Variants in GPM6B observed in about 807,000 individuals in gnomAD.
GPM6B encodes glycoprotein M6B.
In GPM6B, 4 loss-of-function variants were observed where a neutral mutation model predicts 27.2. The ratio of observed to expected loss-of-function variants is 0.15; its 90% CI spans 0.07 to 0.34. The LOEUF (loss-of-function observed/expected upper bound fraction) is 0.34. Ranked by LOEUF, GPM6B falls within the 10% of genes least tolerant of loss-of-function variation. The pLI, the probability that GPM6B is intolerant of heterozygous loss-of-function variation, is 1.00. For synonymous variants in GPM6B, 124 were observed against 103.1 expected (o/e 1.20, Z -1.23); for missense variants, 183 against 261.9 (o/e 0.70, Z 2.08).
chrX:13,841,781 T>C (rs985593629), intron 1 of GPM6B, among the ~76,000 whole-genome samples: 2 of 111,725 alleles, frequency 1.8e-5, no homozygotes, highest in African/African-American at 6.5e-5. Context: ...GAACCCCTGC[T>C]TAATAGATGG....
chrX:13,804,425 GC>G (rs1166678677), intron 2 of GPM6B, among the ~76,000 whole-genome samples: 8 of 77,590 alleles, frequency 1.0e-4, no homozygotes, highest in South Asian at 2.3e-3. Context: ...GGCGGGGGGG[GC>G]GGGGGGCGGG....
chrX:13,776,359 A>C, intron 6 of GPM6B, 56 bp from the exon 7 acceptor site: 4 of 961,355 alleles, frequency 4.2e-6, no homozygotes, highest in Non-Finnish European at 5.9e-6. Context: ...AATGGCCTAC[A>C]CTCATTGTGG....
chrX:13,857,783 G>A (rs948143042), intron 1 of GPM6B, among the ~76,000 whole-genome samples: 6 of 112,860 alleles, frequency 5.3e-5, no homozygotes, highest in African/African-American at 1.6e-4. Context: ...CAACTGTGCA[G>A]TGGCAAGTGC....
At chrX:13,921,581 C>CCTTTTT (rs1555932309) in intron 1 of GPM6B, among the ~76,000 whole-genome samples, 2 of 92,820 alleles carry the variant, frequency 2.2e-5, no homozygotes, top group African/African-American at 8.0e-5. Context: ...AACCCCCCCC[C>CCTTTTT]TTTTTTTTTT....
At chrX:13,798,355 C>G (rs186470695) in intron 2 of GPM6B, among the ~76,000 whole-genome samples, 2 of 107,743 alleles carry the variant, frequency 1.9e-5, no homozygotes, top group African/African-American at 6.8e-5. Context: ...AGGGCTTTTA[C>G]TAGACAAGCA....
intron 1 of GPM6B, among the ~76,000 whole-genome samples, chrX:13,900,938 G>A (rs934408583): frequency 8.9e-6 from 1 of 111,793 alleles, no homozygotes; most frequent in African/African-American, 3.3e-5. Flanking sequence ...AACGCAGGAG[G>A]AAGCTGCAGA....
chrX:13,906,572 T>A (rs1354893641), intron 1 of GPM6B, among the ~76,000 whole-genome samples: 1 of 112,406 alleles, frequency 8.9e-6, no homozygotes, highest in Non-Finnish European at 1.9e-5. Flanking sequence ...TTAAACTCAA[T>A]GGATGTACTC....
At chrX:13,904,921 T>C (rs2050314218) in intron 1 of GPM6B, among the ~76,000 whole-genome samples, 2 of 110,715 alleles carry the variant, frequency 1.8e-5, no homozygotes, top group African/African-American at 6.6e-5. Flanking sequence ...CTTCCTCCAG[T>C]TCAGGCCCAC....
chrX:13,797,046 C>T (rs1199922122), intron 2 of GPM6B, among the ~76,000 whole-genome samples: 1 of 112,412 alleles, frequency 8.9e-6, no homozygotes, highest in Non-Finnish European at 1.9e-5. Context: ...GGAGGCTACT[C>T]CAGACATTTG....
chrX:13,845,139 G>A (rs911134909), intron 1 of GPM6B, among the ~76,000 whole-genome samples: 1 of 110,027 alleles, frequency 9.1e-6, no homozygotes, highest in Non-Finnish European at 1.9e-5. Context: ...ACAGGCATAC[G>A]TCACCATGCC....
At chrX:13,781,817 C>G (rs2048521436) in intron 4 of GPM6B, among the ~76,000 whole-genome samples, 2 of 111,840 alleles carry the variant, frequency 1.8e-5, no homozygotes, top group Admixed American at 1.9e-4. Context: ...CCATGTTGTC[C>G]GGACCTCCTG....
At chrX:13,819,141 G>GC (rs1285614547), upstream of GPM6B, among the ~76,000 whole-genome samples, 79 of 112,245 alleles carry the variant, frequency 7.0e-4, no homozygotes, top group African/African-American at 2.4e-3. Context: ...GTTGATACCT[G>GC]CATCTACTTT....
intron 1 of GPM6B, among the ~76,000 whole-genome samples, chrX:13,861,041 CACATAT>C (rs1270517765): frequency 1.7e-3 from 73 of 42,242 alleles, no homozygotes; most frequent in African/African-American, 3.3e-3. Context: ...CACACACACA[CACATAT>C]ATACATATAT....
intron 1 of GPM6B, among the ~76,000 whole-genome samples, chrX:13,865,700 T>G (rs960694324): frequency 2.8e-5 from 3 of 107,651 alleles, no homozygotes; most frequent in East Asian, 5.7e-4. Context: ...AAGGCTGCAG[T>G]GAGCTGAGAT....
At position 13,772,356 on chromosome X, in the gene GPM6B, A is replaced by G. The variant is rs189371743; in HGVS notation, c.*525T>C. 607 of 112,405 alleles carry G rather than the reference A, an allele frequency of 5.4e-3. No individual in the cohort carries two copies. The highest frequency in any genetic ancestry group is 8.7e-3 in the Non-Finnish European group (464 of 53,296). The allele number at this position is 112,405 out of a possible 1,213,427, so 9.3% of individuals were successfully genotyped here. ...AGGGAAAAGCTAGTTTGAGAAATCA[A>G]TCATAAGAATCACATTATCTTTGAT... On this transcript the variant is annotated 3_prime_UTR_variant, in exon 8 of 8. Transcript: ENST00000316715.
Position 13,772,337 on chromosome X carries a change from A to C in GPM6B, c.*544T>G, listed in dbSNP as rs1417498599. The C allele has an allele frequency of 8.9e-6, 1 of 112,128 alleles. No individual in the cohort carries two copies. Among genetic ancestry groups the C allele is most frequent in the Non-Finnish European group, 1.9e-5 (1 of 53,205 alleles). 9.2% of individuals were successfully genotyped at this position (112,128 alleles called of 1,213,427 possible). A position where few individuals can be genotyped will look rare whatever the true frequency, so the allele number is the denominator to read the frequency against. The stretch of plus-strand genomic sequence containing the variant: ...AATGGGTCCTGGACTTGGGAGGGAA[A>C]AGCTAGTTTGAGAAATCAATCATAA... On this transcript the variant is annotated 3_prime_UTR_variant, in exon 8 of 8. Coordinates refer to ENST00000316715, the MANE Select transcript of GPM6B (RefSeq NM_001001995.3).
chrX:13,840,502 T>A (rs768348727), intron 1 of GPM6B, among the ~76,000 whole-genome samples: 17 of 111,689 alleles, frequency 1.5e-4, no homozygotes, highest in Non-Finnish European at 3.0e-4. Context: ...AATATATTTT[T>A]AAAAATACTG....
chrX:13,888,739 GT>G (rs1290951868), intron 1 of GPM6B, among the ~76,000 whole-genome samples: 1 of 110,885 alleles, frequency 9.0e-6, no homozygotes, highest in African/African-American at 3.3e-5. Context: ...GAAAAAAAAT[GT>G]TTTTTTGCCT....
At chrX:13,785,866 A>G (rs1252417716) in intron 2 of GPM6B, 58 bp from the exon 3 acceptor site, 7 of 925,628 alleles carry the variant, frequency 7.6e-6, no homozygotes, top group Non-Finnish European at 1.1e-5. Flanking sequence ...CTGGTCTTCA[A>G]GAATACCCCA....
Sources: gnomAD v4.1 joint callset for allele counts (sites outside exome capture counted in the v4.1 genomes callset) on GRCh38, gnomAD v4.1.1 for gene constraint, MANE v1.5 for transcripts, NCBI Gene and HGNC (gene_info 2026-07-23, HGNC 2026-07-21) for gene names.